Variants in SIL1 observed in about 807,000 individuals in gnomAD.
SIL1 encodes the protein SIL1 nucleotide exchange factor.
A neutral mutation model predicts 49.1 loss-of-function variants in SIL1; 40 were observed. The ratio of observed to expected loss-of-function variants is 0.81; its 90% CI spans 0.63 to 1.06. The LOEUF is 1.06. Ranked by LOEUF, SIL1 falls within the 50% of genes least tolerant of loss-of-function variation. SIL1 has a pLI of 0.00. For missense variants in SIL1, 500 were observed against 572.6 expected (o/e 0.87, Z 1.29); for synonymous variants, 253 against 250.8 (o/e 1.01, Z -0.08).
At chr5:139,081,527 G>A (rs1013343113) in intron 3 of SIL1, among the ~76,000 whole-genome samples, 2 of 152,184 alleles carry the variant, frequency 1.3e-5, no homozygotes, top group African/African-American at 4.8e-5. Flanking sequence ...GTACCACCCT[G>A]CTGTGCCATG....
chr5:139,023,246 A>G (rs1297292329), intron 6 of SIL1, among the ~76,000 whole-genome samples: 1 of 152,148 alleles, frequency 6.6e-6, no homozygotes, highest in Non-Finnish European at 1.5e-5. Flanking sequence ...GGTGACATAC[A>G]GGAGAAACCA....
rs1750613143 is a variant in SIL1 at position 139,120,882 on chromosome 5, C to T, written c.244+153G>A. The stretch of plus-strand genomic sequence containing the variant: ...CTGCTGGAAAACGAAGGTCCCTGAG[C>T]CCTGCAGCAGCAGCTACCACTCTGA... On this transcript the variant is annotated intron_variant, in intron 3 of 9. Transcript: ENST00000394817. Among the ~76,000 whole-genome samples the T allele has an allele frequency of 2.0e-5, 3 of 152,240 alleles. 1 individual carries two copies. The highest frequency in any genetic ancestry group is 2.1e-4 in the South Asian group (1 of 4,832).
In SIL1 at chr5:139,112,200, T is replaced by A. The variant is rs1022740280; in HGVS notation, c.244+8835A>T. Among the ~76,000 whole-genome samples, 4 of 152,158 alleles carry A rather than the reference T, an allele frequency of 2.6e-5. No individual in the cohort carries two copies. The South Asian group carries it at 8.3e-4, about 31-fold the overall frequency. ...GGCGTGATCTCAGCTAGCTACAACC[T>A]CCACCTCCCAGCAGCCTGCCTTGGC... On this transcript the variant is annotated intron_variant, in intron 3 of 9. Coordinates refer to ENST00000394817, the MANE Select transcript of SIL1 (RefSeq NM_022464.5).
chr5:138,961,449 G>C (rs937800356), intron 7 of SIL1, among the ~76,000 whole-genome samples: 5 of 152,222 alleles, frequency 3.3e-5, no homozygotes, highest in African/African-American at 1.2e-4. Flanking sequence ...AACAGAATAA[G>C]CAGTAAGGAC....
intron 1 of SIL1, among the ~76,000 whole-genome samples, chr5:139,167,689 G>T (rs972397101): frequency 6.6e-6 from 1 of 152,118 alleles, no homozygotes. Context: ...TAAATGTAGC[G>T]TAGCCTAAGT....
chr5:139,049,844 CACTA>C (rs1296120077), intron 4 of SIL1, among the ~76,000 whole-genome samples: 1 of 149,160 alleles, frequency 6.7e-6, no homozygotes, highest in African/African-American at 2.5e-5. Context: ...GACTGAGTAA[CACTA>C]ACCACACTCA....
intron 3 of SIL1, among the ~76,000 whole-genome samples, chr5:139,118,799 T>C (rs746857600): frequency 2.0e-5 from 3 of 152,152 alleles, no homozygotes; most frequent in African/African-American, 7.2e-5. Flanking sequence ...ACAGTATACA[T>C]AGAAAACATG....
rs1769614363 is a variant in SIL1 at position 139,062,512 on chromosome 5, G to A, written c.245-11466C>T. Among the ~76,000 whole-genome samples the A allele has an allele frequency of 3.3e-5, 5 of 152,138 alleles. No individual in the cohort carries two copies. In the South Asian group the frequency reaches 1.0e-3, roughly 32 times the overall value. On this transcript the variant is annotated intron_variant, in intron 3 of 9. Transcript: ENST00000394817. ...GTTTCCCCCAGGGAACAGCTACCCT[G>A]ACAGCTCCCACCATACCCTTGCACC...
chr5:139,021,134 CA>C lies in SIL1; in HGVS notation c.767+36del, dbSNP rs1484573810. 3.7e-6 allele frequency: 6 copies of C among 1,613,948 alleles called. No homozygotes were observed. The African/African-American group carries it at 8.0e-5, about 22-fold the overall frequency. ...CTTCTTCCAAGCAGATCAGGCCAAG[CA>C]ATTCTGGCCATTGGGACGTCCATTA... On this transcript the variant is annotated intron_variant, in intron 7 of 9. Coordinates refer to ENST00000394817, the MANE Select transcript of SIL1 (RefSeq NM_022464.5).
intron 5 of SIL1, among the ~76,000 whole-genome samples, chr5:139,037,954 G>T (rs1041168443): frequency 1.3e-5 from 2 of 152,166 alleles, no homozygotes; most frequent in African/African-American, 4.8e-5. Context: ...GGAATGAGTC[G>T]ACGTGGTTCC....
intron 1 of SIL1, among the ~76,000 whole-genome samples, chr5:139,142,005 C>A (rs1365215674): frequency 6.6e-6 from 1 of 152,194 alleles, no homozygotes; most frequent in Admixed American, 6.5e-5. Flanking sequence ...GAAAAAGCCG[C>A]AGTCTTAAAG....
chr5:139,043,823 C>T (rs919285638), intron 4 of SIL1, among the ~76,000 whole-genome samples: 4 of 152,132 alleles, frequency 2.6e-5, no homozygotes, highest in Non-Finnish European at 4.4e-5. Context: ...ATGATGTGCA[C>T]GAAGGGAAGA....
chr5:139,159,093 AAGAG>A (rs1561884439), intron 1 of SIL1, among the ~76,000 whole-genome samples: 1 of 152,112 alleles, frequency 6.6e-6, no homozygotes, highest in African/African-American at 2.4e-5. Flanking sequence ...ATGGTACTAA[AAGAG>A]AGAGAGGGAA....
intron 3 of SIL1, among the ~76,000 whole-genome samples, chr5:139,061,723 A>C (rs962469293): frequency 2.0e-5 from 3 of 152,244 alleles, no homozygotes; most frequent in African/African-American, 7.2e-5. Context: ...CCAAAAAGGT[A>C]AATGTCAACC....
At chr5:139,197,716 C>G (rs1472748932) in intron 1 of SIL1, among the ~76,000 whole-genome samples, 1 of 152,118 alleles carries the variant, frequency 6.6e-6, no homozygotes, top group East Asian at 1.9e-4. Context: ...CCCTGGGGTA[C>G]AGCTGCCCAC....
At chr5:138,951,512 A>G (rs1766777888) in intron 8 of SIL1, among the ~76,000 whole-genome samples, 177 bp from the exon 9 acceptor site, 2 of 152,232 alleles carry the variant, frequency 1.3e-5, no homozygotes, top group African/African-American at 2.4e-5. Context: ...AGACACCTTC[A>G]ACATTACCAA....
intron 7 of SIL1, among the ~76,000 whole-genome samples, chr5:138,955,422 G>T (rs1766881246): frequency 6.6e-6 from 1 of 152,196 alleles, no homozygotes; most frequent in South Asian, 2.1e-4. Context: ...ATGGGCTGGG[G>T]GTGGGGCAGG....
intron 7 of SIL1, among the ~76,000 whole-genome samples, chr5:139,005,348 T>C (rs1768088705): frequency 6.6e-6 from 1 of 151,964 alleles, no homozygotes; most frequent in South Asian, 2.1e-4. Context: ...GCCCATACTT[T>C]TGATAAAATC....
Position 139,049,956 on chromosome 5 carries a change from T to C in SIL1, c.353+982A>G, listed in dbSNP as rs532743786. On this transcript the variant is annotated intron_variant, in intron 4 of 9. Transcript: ENST00000394817. Reference sequence around the variant, plus strand: ...ACTATTTTAGGCTCTGTGATCCATATGGTGTCTGTCCCAATTAATCAACTC... The same window carrying C: ...ACTATTTTAGGCTCTGTGATCCATACGGTGTCTGTCCCAATTAATCAACTC... Among the ~76,000 whole-genome samples, 4 of 152,344 alleles carry C rather than the reference T, an allele frequency of 2.6e-5. No individual in the cohort carries two copies. The South Asian group carries it at 8.3e-4, about 32-fold the overall frequency.
Sources: gnomAD v4.1 joint callset for allele counts (sites outside exome capture counted in the v4.1 genomes callset) on GRCh38, gnomAD v4.1.1 for gene constraint, MANE v1.5 for transcripts, NCBI Gene and HGNC (gene_info 2026-07-23, HGNC 2026-07-21) for gene names.